CACNA1C: variants seen among roughly 807,000 people sequenced by gnomAD.
CACNA1C encodes calcium voltage-gated channel subunit alpha1 C.
CACNA1C carries 30 observed loss-of-function variants against 229.0 expected under a neutral mutation model. That is an observed-to-expected ratio of 0.13 (90% confidence interval 0.10 to 0.18). CACNA1C has a LOEUF of 0.18. CACNA1C is among the 10% of genes least tolerant of loss of function. CACNA1C has a pLI of 1.00. For synonymous variants in CACNA1C, 1,114 were observed against 1,132.5 expected (o/e 0.98, Z 0.33); for missense variants, 1,658 against 2,845.0 (o/e 0.58, Z 9.49).
intron 1 of CACNA1C, among the ~76,000 whole-genome samples, chr12:1,993,627 G>GGGGGGT (rs1555213620): frequency 1.4e-5 from 2 of 146,584 alleles, no homozygotes; most frequent in African/African-American, 5.0e-5. Flanking sequence ...CTTCATTTGT[G>GGGGGGT]GTGTGTGTGT....
At chr12:2,216,061 A>G (rs182872478) in intron 3 of CACNA1C, among the ~76,000 whole-genome samples, 12 of 152,362 alleles carry the variant, frequency 7.9e-5, no homozygotes, top group Admixed American at 2.6e-4. Context: ...ACCCCATCAC[A>G]AAAGAAAATT....
At chr12:2,088,925 G>A (rs951102237) in intron 1 of CACNA1C, among the ~76,000 whole-genome samples, 23 of 152,132 alleles carry the variant, frequency 1.5e-4, no homozygotes, top group African/African-American at 3.9e-4. Flanking sequence ...CTTGCTTGCC[G>A]TTGATATTCT....
intron 1 of CACNA1C, among the ~76,000 whole-genome samples, chr12:2,012,092 A>G (rs984965468): frequency 4.6e-5 from 7 of 152,196 alleles, no homozygotes; most frequent in African/African-American, 2.4e-5. Flanking sequence ...TGAAGCCCCA[A>G]AGGTAATTGA....
intron 1 of CACNA1C, among the ~76,000 whole-genome samples, chr12:2,007,358 G>A (rs2043645296): frequency 6.6e-6 from 1 of 152,210 alleles, no homozygotes; most frequent in African/African-American, 2.4e-5. Flanking sequence ...GCTCATTAGA[G>A]AAGACAGGCA....
chr12:2,458,514 G>A (rs1302914013), intron 5 of CACNA1C, among the ~76,000 whole-genome samples: 2 of 152,222 alleles, frequency 1.3e-5, no homozygotes, highest in African/African-American at 4.8e-5. Context: ...TCTTCAGTTT[G>A]TGGTATCTGA....
At chr12:2,579,388 T>A (rs2059720720) in intron 13 of CACNA1C, among the ~76,000 whole-genome samples, 1 of 152,072 alleles carries the variant, frequency 6.6e-6, no homozygotes, top group Non-Finnish European at 1.5e-5. Flanking sequence ...GTTATAAATA[T>A]GCTTAAAGTT....
chr12:2,095,033 C>T (rs747773568), intron 1 of CACNA1C, among the ~76,000 whole-genome samples: 23 of 152,214 alleles, frequency 1.5e-4, no homozygotes, highest in Non-Finnish European at 2.6e-4. Context: ...ATATCTAAGT[C>T]TCAGAAACGT....
At chr12:2,668,499 G>GTAATT (rs1378251780) in intron 37 of CACNA1C, 4 of 172,330 alleles carry the variant, frequency 2.3e-5, no homozygotes, top group African/African-American at 9.5e-5. Context: ...CTGAGACTGG[G>GTAATT]TAATTTATAA....
intron 3 of CACNA1C, among the ~76,000 whole-genome samples, chr12:2,175,487 G>A (rs1357198965): frequency 1.3e-5 from 2 of 149,528 alleles, no homozygotes; most frequent in Non-Finnish European, 3.0e-5. Flanking sequence ...GGTTCCGTTT[G>A]TTTTGAAGGG....
At chr12:2,463,201 A>T (rs541563881) in intron 5 of CACNA1C, among the ~76,000 whole-genome samples, 1 of 152,080 alleles carries the variant, frequency 6.6e-6, no homozygotes, top group East Asian at 1.9e-4. Context: ...GAGCCACCGC[A>T]CCCGGCCTAA....
At chr12:2,239,430 A>C (rs925997383) in intron 3 of CACNA1C, among the ~76,000 whole-genome samples, 5 of 152,230 alleles carry the variant, frequency 3.3e-5, no homozygotes, top group African/African-American at 1.2e-4. Context: ...AGGAAGGGTC[A>C]GCTGCACAGA....
chr12:2,135,010 T>C (rs2093106686), intron 3 of CACNA1C, among the ~76,000 whole-genome samples: 1 of 137,198 alleles, frequency 7.3e-6, no homozygotes, highest in Non-Finnish European at 1.6e-5. Flanking sequence ...TCATTTCTTT[T>C]TATTCTTTTT....
intron 3 of CACNA1C, among the ~76,000 whole-genome samples, chr12:2,183,257 AG>A (rs1324978131): frequency 3.3e-5 from 5 of 150,572 alleles, no homozygotes; most frequent in Non-Finnish European, 1.5e-5. Flanking sequence ...AAAAAAAAAA[AG>A]AAAAAAGAAA....
Position 2,679,188 on chromosome 12 carries a change from A to C in CACNA1C, c.5092-256A>C, listed in dbSNP as rs973205526. Among the ~76,000 whole-genome samples the C allele has an allele frequency of 3.3e-5, 5 of 151,916 alleles. No individual in the cohort carries two copies. In the East Asian group the frequency reaches 9.7e-4, roughly 29 times the overall value. On this transcript the variant is annotated intron_variant, in intron 41 of 46. Transcript: ENST00000399655. The surrounding 1 kb of genome is among the most constrained non-coding windows in gnomAD (Gnocchi z 5.5). ...CAGCCCCTTGCCCAATCCCATCCCCACTGGTGGGTGGGTTCTCCCAGCTGC... is the reference window on the plus strand; with the variant it reads ...CAGCCCCTTGCCCAATCCCATCCCCCCTGGTGGGTGGGTTCTCCCAGCTGC...
At chr12:2,363,140 C>A (rs2097607899) in intron 3 of CACNA1C, among the ~76,000 whole-genome samples, 1 of 152,154 alleles carries the variant, frequency 6.6e-6, no homozygotes, top group Non-Finnish European at 1.5e-5. Context: ...ACCCAAGAGC[C>A]AGTCCTGCAT....
chr12:2,110,976 A>AGGCCACACCTGTCTCACCCGAGG, intron 1 of CACNA1C, among the ~76,000 whole-genome samples: 1 of 151,924 alleles, frequency 6.6e-6, no homozygotes, highest in South Asian at 2.1e-4. Context: ...CTCACCCGAG[A>AGGCCACACCTGTCTCACCCGAGG]GGCCACACCT....
chr12:2,583,076 G>A, intron 15 of CACNA1C, 134 bp downstream of exon 15: 1 of 633,098 alleles, frequency 1.6e-6, no homozygotes, highest in Admixed American at 2.5e-5. Flanking sequence ...CCCCATGGCG[G>A]CGGAGGTGGG....
At chr12:2,235,508 G>A (rs1304834678) in intron 3 of CACNA1C, among the ~76,000 whole-genome samples, 2 of 152,198 alleles carry the variant, frequency 1.3e-5, no homozygotes, top group Admixed American at 6.5e-5. Context: ...TTATTTTGCA[G>A]CATTTTTATT....
chr12:2,608,422 C>T lies in CACNA1C; in HGVS notation c.3357-89C>T. The T allele has an allele frequency of 1.0e-6, 1 of 987,040 alleles. No individual in the cohort carries two copies. The highest frequency in any genetic ancestry group is 2.6e-5 in the East Asian group (1 of 38,106). 61.1% of individuals were successfully genotyped at this position (987,040 alleles called of 1,614,324 possible). On this transcript the variant is annotated intron_variant, in intron 26 of 46. Transcript: ENST00000399655. The surrounding 1 kb of genome is among the most constrained non-coding windows in gnomAD (Gnocchi z 4.2). The stretch of plus-strand genomic sequence containing the variant: ...CAGAGCTGTCTCCTGCACCCTGATC[C>T]CTGGGATCCCTGGAGCAGTGGTGCC...
Sources: allele counts gnomAD v4.1 joint callset (sites outside exome capture counted in the v4.1 genomes callset), GRCh38; gene constraint gnomAD v4.1.1; non-coding constraint Gnocchi (gnomAD v3.1); transcripts MANE v1.5; gene names NCBI Gene and HGNC (gene_info 2026-07-23, HGNC 2026-07-21).